MYO7B: variants seen among roughly 807,000 people sequenced by gnomAD.
MYO7B encodes the protein unconventional myosin-VIIb.
In MYO7B, 212 loss-of-function variants were observed where a neutral mutation model predicts 259.7. The ratio of observed to expected loss-of-function variants is 0.82; its 90% CI spans 0.73 to 0.91. MYO7B has a LOEUF of 0.91. Among genes scored for constraint, MYO7B ranks in the 40% least tolerant of loss-of-function variants. The pLI is 0.00. For missense variants in MYO7B, 2,732 were observed against 2,813.5 expected, an observed-to-expected ratio of 0.97 and a Z score of 0.66; for synonymous variants, 1,197 against 1,166.4, an observed-to-expected ratio of 1.03 and a Z score of -0.54.
rs1051644828 is a variant in MYO7B, at chr2:127,625,440, G to C, written c.4120G>C (p.Val1374Leu). The change falls in exon 31 of 48, where the codon GTC becomes CTC. Residue 1374 changes from valine (V) to leucine (L), a missense_variant. Coordinates refer to ENST00000409816, the MANE Select transcript of MYO7B (RefSeq NM_001393586.1). ...QLGASAESKAVQELLPSCIPH... is the reference protein window; with the variant it reads ...QLGASAESKALQELLPSCIPH... ...CGGCGCCTCAGCAGAGAGCAAGGCT[G>C]TCCAGGAGCTGCTGCCCAGCTGCAT... The C allele has an allele frequency of 2.5e-6, 4 of 1,611,910 alleles. No homozygotes were observed. In the African/African-American group the frequency reaches 5.3e-5, roughly 22 times the overall value.
At chr2:127,545,782 G>A (rs758769912) in intron 1 of MYO7B, among the ~76,000 whole-genome samples, 6 of 152,184 alleles carry the variant, frequency 3.9e-5, no homozygotes, top group Admixed American at 1.3e-4. Flanking sequence ...CTGTTGGCCC[G>A]GTGAACGCCC....
chr2:127,617,409 C>T (rs906894751), intron 26 of MYO7B, among the ~76,000 whole-genome samples: 1 of 151,808 alleles, frequency 6.6e-6, no homozygotes, highest in African/African-American at 2.4e-5. Context: ...AAAAACTTCC[C>T]GTTCTTTGTA....
chr2:127,591,757 C>T (rs1679568668), intron 16 of MYO7B, among the ~76,000 whole-genome samples: 1 of 152,172 alleles, frequency 6.6e-6, no homozygotes, highest in Admixed American at 6.5e-5. Flanking sequence ...TGGAGAGGGG[C>T]TCTCTAGAAT....
rs925818502 is a variant in MYO7B at position 127,628,977 on chromosome 2, C to T, written c.4624+442C>T. On this transcript the variant is annotated intron_variant, in intron 34 of 47. Transcript: ENST00000409816. The surrounding 1 kb of genome is among the most constrained non-coding windows in gnomAD (Gnocchi z 4.8). Reference sequence around the variant, plus strand: ...AGGGGGTGGGAGCCTAGTTCTTGGCCACAGCTCTCCCACAAGCCAGCACTC... The same window carrying T: ...AGGGGGTGGGAGCCTAGTTCTTGGCTACAGCTCTCCCACAAGCCAGCACTC... Among the ~76,000 whole-genome samples the T allele has an allele frequency of 6.6e-6, 1 of 152,226 alleles. No homozygotes were observed. Among genetic ancestry groups the T allele is most frequent in the Non-Finnish European group, 1.5e-5 (1 of 68,042 alleles).
At position 127,627,851 on chromosome 2, in the gene MYO7B, A is replaced by C. The variant is rs1681230730; in HGVS notation, c.4461-521A>C. 2 of 458,042 alleles carry C rather than the reference A, an allele frequency of 4.4e-6. No individual in the cohort carries two copies. The highest frequency in any genetic ancestry group is 3.1e-5 in the South Asian group (2 of 64,578). The allele number at this position is 458,042 out of a possible 1,614,324, so 28.4% of individuals were successfully genotyped here. A position where few individuals can be genotyped will look rare whatever the true frequency, so the allele number is the denominator to read the frequency against. The stretch of plus-strand genomic sequence containing the variant: ...TGCCAGAGCGCCCCTTGGTTGAAGC[A>C]CACAACAGAGTGGCACATGCATCTC... On this transcript the variant is annotated intron_variant, in intron 33 of 47. Coordinates refer to ENST00000409816, the MANE Select transcript of MYO7B (RefSeq NM_001393586.1). The surrounding 1 kb of genome is among the most constrained non-coding windows in gnomAD (Gnocchi z 5.6).
At chr2:127,617,501 T>TG (rs1680620847) in intron 26 of MYO7B, among the ~76,000 whole-genome samples, 1 of 133,380 alleles carries the variant, frequency 7.5e-6, no homozygotes, top group African/African-American at 2.9e-5. Context: ...TTTTTTTTTT[T>TG]TTTTTTTTTT....
rs900355030 is a variant in MYO7B, at chr2:127,608,768, C to T, written c.2704C>T (p.Arg902Cys). The T allele has an allele frequency of 8.1e-6, 13 of 1,613,418 alleles. No homozygotes were observed. Among genetic ancestry groups the T allele is most frequent in the South Asian group, 4.4e-5 (4 of 91,076 alleles). ...KSQGALPAKK[R>C]RSIYDTVTDT... ...CCAAGGCGCTCTCCCTGCCAAGAAG[C>T]GCAGATCCATCTACGACACCGTCAC... Residue 902 changes from arginine (R) to cysteine (C), a missense_variant, in exon 22 of 48, where the codon CGC (arginine) becomes TGC (cysteine). Transcript: ENST00000409816.
chr2:127,555,038 T>C (rs1429742388), intron 1 of MYO7B, among the ~76,000 whole-genome samples: 1 of 151,454 alleles, frequency 6.6e-6, no homozygotes, highest in Non-Finnish European at 1.5e-5. Context: ...AACCTCTGCC[T>C]CCCAGGTTCA....
chr2:127,574,058 G>T lies in MYO7B; in HGVS notation c.731G>T (p.Arg244Leu). The change falls in exon 7 of 48, where the codon CGG becomes CTG. Residue 244 changes from arginine (R) to leucine (L), a missense_variant. By Grantham distance (102) the Arg-to-Leu change is moderately radical. This residue lies in a region of MYO7B where 1,906 missense variants were observed against 2,026.4 expected (regional missense o/e 0.94). Coordinates refer to ENST00000409816, the MANE Select transcript of MYO7B (RefSeq NM_001393586.1). ...CTCCTGGAGAAGTCCCGGGTCTGCC[G>T]GCAGGTGAGGCCTCCCCCTTCCCAG... ...QFLLEKSRVC[R>L]QAPEERNYHI... 2 of 1,613,910 alleles carry T rather than the reference G, an allele frequency of 1.2e-6. No individual in the cohort carries two copies. The highest frequency in any genetic ancestry group is 1.7e-6 in the Non-Finnish European group (2 of 1,179,870).
intron 37 of MYO7B, 39 bp from the exon 38 acceptor site, chr2:127,631,561 G>A (rs574227313): frequency 1.9e-5 from 30 of 1,604,228 alleles, no homozygotes; most frequent in East Asian, 4.5e-5. Flanking sequence ...CTGTGTCAGC[G>A]TGGGGCTGCC....
chr2:127,573,294 T>C (rs1678723350), intron 6 of MYO7B, among the ~76,000 whole-genome samples: 2 of 152,236 alleles, frequency 1.3e-5, no homozygotes, highest in South Asian at 2.1e-4. Context: ...CTGAGTATTT[T>C]GTTCTAACTT....
intron 1 of MYO7B, among the ~76,000 whole-genome samples, chr2:127,556,968 A>C (rs1202731859): frequency 2.0e-5 from 3 of 152,164 alleles, no homozygotes; most frequent in Non-Finnish European, 2.9e-5. Context: ...ATTCTTCCCC[A>C]AAAAATGTGT....
At chr2:127,634,451 C>T (rs1033134322) in intron 41 of MYO7B, 145 bp from the exon 42 acceptor site, 19 of 875,940 alleles carry the variant, frequency 2.2e-5, no homozygotes, top group Non-Finnish European at 2.9e-5. Context: ...GGAGCAGAGC[C>T]AGCTCCACAC....
rs1268764653 is a variant in MYO7B, at chr2:127,615,225, G to A, written c.3398+2622G>A. On this transcript the variant is annotated intron_variant, in intron 26 of 47. Coordinates refer to ENST00000409816, the MANE Select transcript of MYO7B (RefSeq NM_001393586.1). This position sits in a 1 kb window ranked among gnomAD's most constrained non-coding sequence, Gnocchi z 4.4. ...GCCTACCTGGGCCAAGGAAGGAGGA[G>A]GGGTGTTTGCCAGACAGAGGGAAAG... 6.6e-6 allele frequency among the ~76,000 whole-genome samples: 1 copy of A among 152,192 alleles called. No individual in the cohort carries two copies. The highest frequency in any genetic ancestry group is 1.5e-5 in the Non-Finnish European group (1 of 68,026).
chr2:127,556,635 T>C (rs965741537), intron 1 of MYO7B, among the ~76,000 whole-genome samples: 13 of 152,330 alleles, frequency 8.5e-5, no homozygotes, highest in African/African-American at 2.6e-4. Flanking sequence ...TGGATCTTTC[T>C]TTCATCTATG....
chr2:127,617,499 T>C (rs981225965), intron 26 of MYO7B, among the ~76,000 whole-genome samples: 7 of 131,528 alleles, frequency 5.3e-5, no homozygotes, highest in Non-Finnish European at 1.1e-4. Flanking sequence ...TTTTTTTTTT[T>C]TTTTTTTTTT....
intron 14 of MYO7B, among the ~76,000 whole-genome samples, chr2:127,587,037 G>C (rs1679330946): frequency 6.6e-6 from 1 of 152,158 alleles, no homozygotes; most frequent in African/African-American, 2.4e-5. Context: ...TCCCACTCTT[G>C]ACTCTTCCTC....
In MYO7B at chr2:127,609,815, G is replaced by A. The variant is rs1292893640; in HGVS notation, c.3025-34G>A. 6.2e-7 allele frequency: 1 copy of A among 1,612,872 alleles called. No individual in the cohort carries two copies. The highest frequency in any genetic ancestry group is 8.5e-7 in the Non-Finnish European group (1 of 1,179,124). On this transcript the variant is annotated intron_variant, in intron 23 of 47. Transcript: ENST00000409816. The surrounding 1 kb of genome is among the most constrained non-coding windows in gnomAD (Gnocchi z 6.9). ...AAGGAAGGGGCCATAGTCACTGATG[G>A]GTTCCCACTGGGCCTTCTGTCTTGT...
intron 12 of MYO7B, among the ~76,000 whole-genome samples, chr2:127,582,964 G>C (rs1389223196): frequency 2.6e-5 from 4 of 152,238 alleles, no homozygotes; most frequent in African/African-American, 9.6e-5. Context: ...CTATGACTGT[G>C]ATGAAGGCTG....
Sources: allele counts gnomAD v4.1 joint callset (sites outside exome capture counted in the v4.1 genomes callset), GRCh38; gene constraint gnomAD v4.1.1; regional missense constraint gnomAD v4.1.1; non-coding constraint Gnocchi (gnomAD v3.1); transcripts MANE v1.5; gene names NCBI Gene and HGNC (gene_info 2026-07-23, HGNC 2026-07-21).